The following SPRYD4 variants were observed in gnomAD, a reference collection of about 807,000 sequenced individuals.
SPRYD4 encodes the protein SPRY domain containing 4.
A neutral mutation model predicts 16.6 loss-of-function variants in SPRYD4; 12 were observed. The ratio of observed to expected loss-of-function variants is 0.72; its 90% CI spans 0.46 to 1.17. SPRYD4 has a LOEUF of 1.17. Ranked by LOEUF, SPRYD4 falls within the 50% of genes most tolerant of loss-of-function variation. SPRYD4 has a pLI of 0.00. For synonymous variants in SPRYD4, 98 were observed against 105.4 expected (o/e 0.93, Z 0.43); for missense variants, 260 against 260.2 (o/e 1.00, Z 0.00).
Position 56,474,649 on chromosome 12 carries a change from G to C in SPRYD4, c.*5072G>C. ...TCAGCACACTCTCGCCTGTGATGGG[G>C]CAGATCCCACCGTTGGCGAGGGTGG... On this transcript the variant is annotated 3_prime_UTR_variant, in exon 2 of 2. Transcript: ENST00000338146. 1 of 1,614,050 alleles carries C rather than the reference G, an allele frequency of 6.2e-7. No homozygotes were observed. Among genetic ancestry groups the C allele is most frequent in the Non-Finnish European group, 8.5e-7 (1 of 1,179,936 alleles).
Position 56,479,577 on chromosome 12 carries a change from G to A in SPRYD4, c.*10000G>A. On this transcript the variant is annotated 3_prime_UTR_variant, in exon 2 of 2. Coordinates refer to ENST00000338146, the MANE Select transcript of SPRYD4 (RefSeq NM_207344.4). ...TTTACTTCTGGGAAAAGAGGACAGG[G>A]ATTGAGTAGGGAGGGAAAGGAGAAC... is the stretch of plus-strand genomic sequence containing the variant. 1 of 565,050 alleles carries A rather than the reference G, an allele frequency of 1.8e-6. No homozygotes were observed. The highest frequency in any genetic ancestry group is 2.8e-6 in the Non-Finnish European group (1 of 361,386). 35.0% of individuals were successfully genotyped at this position (565,050 alleles called of 1,614,324 possible).
Position 56,478,986 on chromosome 12 carries a change from G to GAA in SPRYD4, c.*9428_*9429dup, listed in dbSNP as rs34646954. 9,672 of 1,345,074 alleles carry GAA rather than the reference G, an allele frequency of 7.2e-3. No individual in the cohort carries two copies. Among genetic ancestry groups the GAA allele is most frequent in the Middle Eastern group, 0.011 (42 of 3,826 alleles). The allele number at this position is 1,345,074 out of a possible 1,614,324, so 83.3% of individuals were successfully genotyped here. On this transcript the variant is annotated 3_prime_UTR_variant, in exon 2 of 2. Transcript: ENST00000338146. ...GTGACAGAGCAAAACTCTGTCTCAG[G>GAA]AAAAAAAAAAAAAAAAAAAATCTGG...
chr12:56,473,381 T>C lies in SPRYD4; in HGVS notation c.*3804T>C. ...CCTTACACTTAGTAGGAGCTCAAAA[T>C]TGCTTTATTATAGTAAAAGTGGTAC... On this transcript the variant is annotated 3_prime_UTR_variant, in exon 2 of 2. Coordinates refer to ENST00000338146, the MANE Select transcript of SPRYD4 (RefSeq NM_207344.4). 1 of 1,605,610 alleles carries C rather than the reference T, an allele frequency of 6.2e-7. No homozygotes were observed. Among genetic ancestry groups the C allele is most frequent in the East Asian group, 2.2e-5 (1 of 44,784 alleles).
At position 56,474,950 on chromosome 12, in the gene SPRYD4, CTG is replaced by C; in HGVS notation, c.*5375_*5376del. ...TCTTCAGGACATCAGCCCTTTCACACTGTCAGGGTCTCAGCTGAAGCCCCCAA... is the reference window on the plus strand; with the variant it reads ...TCTTCAGGACATCAGCCCTTTCACACTCAGGGTCTCAGCTGAAGCCCCCAA... On this transcript the variant is annotated 3_prime_UTR_variant, in exon 2 of 2. Coordinates refer to ENST00000338146, the MANE Select transcript of SPRYD4 (RefSeq NM_207344.4). 5 of 1,613,718 alleles carry C rather than the reference CTG, an allele frequency of 3.1e-6. No homozygotes were observed. Among genetic ancestry groups the C allele is most frequent in the Non-Finnish European group, 3.4e-6 (4 of 1,179,778 alleles).
In SPRYD4 at chr12:56,479,656, G is replaced by A. The variant is rs145836670; in HGVS notation, c.*10079G>A. On this transcript the variant is annotated 3_prime_UTR_variant, in exon 2 of 2. Coordinates refer to ENST00000338146, the MANE Select transcript of SPRYD4 (RefSeq NM_207344.4). ...TGATGAGTATTCATGTATAACTTAT[G>A]TAATAAGTAATAAAATAAAATGAGG... 7 of 1,092,634 alleles carry A rather than the reference G, an allele frequency of 6.4e-6. No individual in the cohort carries two copies. The highest frequency in any genetic ancestry group is 1.6e-5 in the African/African-American group (1 of 62,960). 67.7% of individuals were successfully genotyped at this position (1,092,634 alleles called of 1,614,324 possible).
chr12:56,475,169 G>T lies in SPRYD4; in HGVS notation c.*5592G>T. On this transcript the variant is annotated 3_prime_UTR_variant, in exon 2 of 2. Transcript: ENST00000338146. Reference sequence around the variant, plus strand: ...GGAGGAGTGGGTGTTGGGAGAAGGGGAAAAATTACCTTCCCTGGAGAGACA... The same window carrying T: ...GGAGGAGTGGGTGTTGGGAGAAGGGTAAAAATTACCTTCCCTGGAGAGACA... 6.2e-7 allele frequency: 1 copy of T among 1,610,372 alleles called. No homozygotes were observed. The highest frequency in any genetic ancestry group is 8.5e-7 in the Non-Finnish European group (1 of 1,179,990).
rs1870125314 is a variant in SPRYD4, at chr12:56,479,637, G to C, written c.*10060G>C. 2.1e-6 allele frequency: 2 copies of C among 955,122 alleles called. No individual in the cohort carries two copies. Among genetic ancestry groups the C allele is most frequent in the Non-Finnish European group, 2.9e-6 (2 of 684,042 alleles). The allele number at this position is 955,122 out of a possible 1,614,324, so 59.2% of individuals were successfully genotyped here. A position where few individuals can be genotyped will look rare whatever the true frequency, so the allele number is the denominator to read the frequency against. On this transcript the variant is annotated 3_prime_UTR_variant, in exon 2 of 2. Coordinates refer to ENST00000338146, the MANE Select transcript of SPRYD4 (RefSeq NM_207344.4). ...TATATTGTTTGAACTCTTATGATGA[G>C]TATTCATGTATAACTTATGTAATAA...
At position 56,473,223 on chromosome 12, in the gene SPRYD4, C is replaced by A. The variant is rs1458734175; in HGVS notation, c.*3646C>A. On this transcript the variant is annotated 3_prime_UTR_variant, in exon 2 of 2. Coordinates refer to ENST00000338146, the MANE Select transcript of SPRYD4 (RefSeq NM_207344.4). ...TTCTTACAAGCCACCTGGAGTTTTC[C>A]TTACCCGAATTTCTGCCCCTTCACG... 1 of 1,613,818 alleles carries A rather than the reference C, an allele frequency of 6.2e-7. No homozygotes were observed. The highest frequency in any genetic ancestry group is 1.7e-5 in the Admixed American group (1 of 59,992).
rs774104105 is a variant in SPRYD4, at chr12:56,477,909, G to A, written c.*8332G>A. 34 of 1,605,110 alleles carry A rather than the reference G, an allele frequency of 2.1e-5. No individual in the cohort carries two copies. The highest frequency in any genetic ancestry group is 1.0e-4 in the Admixed American group (6 of 59,436). ...AGGAGAAGGGGACAGCTGTAAGTACGGTCTGAGCCTTGGTAGTGCTCACCT... is the reference window on the plus strand; with the variant it reads ...AGGAGAAGGGGACAGCTGTAAGTACAGTCTGAGCCTTGGTAGTGCTCACCT... On this transcript the variant is annotated 3_prime_UTR_variant, in exon 2 of 2. Transcript: ENST00000338146.
Position 56,469,055 on chromosome 12 carries a change from G to A in SPRYD4, c.102G>A (p.Leu34=), listed in dbSNP as rs1019110091. ...TGCCCGCAGGCGTCAGTTTCAAACTGGAAGAAAAAACCGCCCACAGCAGCC... is the reference window on the plus strand; with the variant it reads ...TGCCCGCAGGCGTCAGTTTCAAACTAGAAGAAAAAACCGCCCACAGCAGCC... ...TEAQRGVSFK[L]EEKTAHSSLA... is the part of the protein sequence containing the mutation. The change falls in exon 2 of 2, where the codon CTG becomes CTA. Residue 34 remains leucine, a synonymous_variant. Transcript: ENST00000338146. The A allele has an allele frequency of 3.8e-6, 6 of 1,571,088 alleles. No homozygotes were observed. The Admixed American group carries it at 5.7e-5, about 15-fold the overall frequency.
chr12:56,473,955 G>A lies in SPRYD4; in HGVS notation c.*4378G>A, dbSNP rs1869546423. On this transcript the variant is annotated 3_prime_UTR_variant, in exon 2 of 2. Transcript: ENST00000338146. ...AAGTAGGGTGCTGTAAATAGAGGTA[G>A]AGGGGGGCCACATGAGATAGGGTGG... The A allele has an allele frequency of 5.1e-6, 1 of 197,784 alleles. No homozygotes were observed. Among genetic ancestry groups the A allele is most frequent in the African/African-American group, 2.4e-5 (1 of 42,548 alleles). The allele number at this position is 197,784 out of a possible 1,614,324, so 12.3% of individuals were successfully genotyped here. A position where few individuals can be genotyped will look rare whatever the true frequency, so the allele number is the denominator to read the frequency against.
Position 56,478,177 on chromosome 12 carries a change from T to G in SPRYD4, c.*8600T>G. 1 of 1,614,164 alleles carries G rather than the reference T, an allele frequency of 6.2e-7. No individual in the cohort carries two copies. Among genetic ancestry groups the G allele is most frequent in the Non-Finnish European group, 8.5e-7 (1 of 1,180,020 alleles). On this transcript the variant is annotated 3_prime_UTR_variant, in exon 2 of 2. Transcript: ENST00000338146. ...TGCCTCCCCTTCCTCTTGCCCAGCA[T>G]CTCACCGTTGACCATCCACAGTGCA...
In SPRYD4 at chr12:56,477,710, G is replaced by A. The variant is rs1297658590; in HGVS notation, c.*8133G>A. On this transcript the variant is annotated 3_prime_UTR_variant, in exon 2 of 2. Coordinates refer to ENST00000338146, the MANE Select transcript of SPRYD4 (RefSeq NM_207344.4). Reference sequence around the variant, plus strand: ...GCACCAGCATTGACCATGGGGTTATGGGGGATTCCTGGGGAAATACAAACC... The same window carrying A: ...GCACCAGCATTGACCATGGGGTTATAGGGGATTCCTGGGGAAATACAAACC... 1 of 1,612,884 alleles carries A rather than the reference G, an allele frequency of 6.2e-7. No individual in the cohort carries two copies.
At position 56,478,127 on chromosome 12, in the gene SPRYD4, TG is replaced by T; in HGVS notation, c.*8552del. The T allele has an allele frequency of 6.2e-7, 1 of 1,614,108 alleles. No individual in the cohort carries two copies. The highest frequency in any genetic ancestry group is 1.1e-5 in the South Asian group (1 of 91,076). ...GGCAGACAGATGCCATGAAAGGGGT[TG>T]GCCTGTGTTCGGCACCTGTGCCCTG... On this transcript the variant is annotated 3_prime_UTR_variant, in exon 2 of 2. Coordinates refer to ENST00000338146, the MANE Select transcript of SPRYD4 (RefSeq NM_207344.4).
In SPRYD4 at chr12:56,469,513, C is replaced by A; in HGVS notation, c.560C>A (p.Ala187Asp). 1 of 1,614,080 alleles carries A rather than the reference C, an allele frequency of 6.2e-7. No individual in the cohort carries two copies. Among genetic ancestry groups the A allele is most frequent in the Non-Finnish European group, 8.5e-7 (1 of 1,180,010 alleles). The change falls in exon 2 of 2, where the codon GCC becomes GAC. Residue 187 changes from alanine to aspartate, a missense_variant. Ala to Asp is a moderately radical substitution (Grantham distance 126, BLOSUM62 -2). Transcript: ENST00000338146. ...GATTTCCGGGGTCCAGTGGTGCCTGCCTTTGCTCTCTGGGATGGGGAGCTG... is the reference window on the plus strand; with the variant it reads ...GATTTCCGGGGTCCAGTGGTGCCTGACTTTGCTCTCTGGGATGGGGAGCTG... ...QTDFRGPVVPAFALWDGELLT... is the reference protein window; with the variant it reads ...QTDFRGPVVPDFALWDGELLT...
chr12:56,475,182 C>T lies in SPRYD4; in HGVS notation c.*5605C>T, dbSNP rs780486917. 6.8e-6 allele frequency: 11 copies of T among 1,607,766 alleles called. No individual in the cohort carries two copies. The highest frequency in any genetic ancestry group is 4.0e-5 in the African/African-American group (3 of 74,904). On this transcript the variant is annotated 3_prime_UTR_variant, in exon 2 of 2. Transcript: ENST00000338146. ...TTGGGAGAAGGGGAAAAATTACCTT[C>T]CCTGGAGAGACAGAACTACATCACA...
chr12:56,475,435 G>A lies in SPRYD4; in HGVS notation c.*5858G>A. The A allele has an allele frequency of 1.4e-6, 1 of 715,244 alleles. No individual in the cohort carries two copies. The highest frequency in any genetic ancestry group is 2.3e-6 in the Non-Finnish European group (1 of 439,608). The allele number at this position is 715,244 out of a possible 1,614,324, so 44.3% of individuals were successfully genotyped here. On this transcript the variant is annotated 3_prime_UTR_variant, in exon 2 of 2. Coordinates refer to ENST00000338146, the MANE Select transcript of SPRYD4 (RefSeq NM_207344.4). Reference sequence around the variant, plus strand: ...TGCCTCTCTCATTATGTACTAATTAGAAATGGAACAAATTATTTTACAAGA... The same window carrying A: ...TGCCTCTCTCATTATGTACTAATTAAAAATGGAACAAATTATTTTACAAGA...
Position 56,469,461 on chromosome 12 carries a change from G to A in SPRYD4, c.508G>A (p.Val170Ile), listed in dbSNP as rs1446444154. The stretch of plus-strand genomic sequence containing the variant: ...GCTGAGCCTGGTGGATGTGAGCCAG[G>A]TCTCTGTGGTTCACACGCTACAGAC... ...QKLSLVDVSQVSVVHTLQTDF... is the reference protein window; with the variant it reads ...QKLSLVDVSQISVVHTLQTDF... The change falls in exon 2 of 2, where the codon GTC becomes ATC. Residue 170 changes from valine to isoleucine, a missense_variant. Physicochemically the swap from Val to Ile is conservative, Grantham distance 29. Transcript: ENST00000338146. 1.2e-6 allele frequency: 2 copies of A among 1,614,030 alleles called. No homozygotes were observed. Among genetic ancestry groups the A allele is most frequent in the Non-Finnish European group, 1.7e-6 (2 of 1,180,040 alleles).
rs1253828002 is a variant in SPRYD4 at position 56,471,648 on chromosome 12, G to A, written c.*2071G>A. Reference sequence around the variant, plus strand: ...TCCAGGGGAATGTTGCCCCACCTGAGAGGAATAATGATATGATCAGGCAAA... The same window carrying A: ...TCCAGGGGAATGTTGCCCCACCTGAAAGGAATAATGATATGATCAGGCAAA... On this transcript the variant is annotated 3_prime_UTR_variant, in exon 2 of 2. Transcript: ENST00000338146. 1.2e-6 allele frequency: 2 copies of A among 1,613,958 alleles called. No homozygotes were observed. The highest frequency in any genetic ancestry group is 1.1e-5 in the South Asian group (1 of 91,076).
Sources: allele counts gnomAD v4.1 joint callset, GRCh38; gene constraint gnomAD v4.1.1; transcripts MANE v1.5; gene names NCBI Gene and HGNC (gene_info 2026-07-23, HGNC 2026-07-21).